OPCML: variants seen among roughly 807,000 people sequenced by gnomAD.
The protein encoded by OPCML is opioid-binding protein/cell adhesion molecule.
Under a neutral mutation model 37.8 loss-of-function variants are expected in OPCML, and 13 were observed. That is an observed-to-expected ratio of 0.34 (90% confidence interval 0.22 to 0.55). The LOEUF (loss-of-function observed/expected upper bound fraction) is 0.55, where lower values mean the gene tolerates loss of function less well. OPCML is among the 20% of genes least tolerant of loss of function. The pLI is 0.91. For missense variants in OPCML, 341 were observed against 435.6 expected, an observed-to-expected ratio of 0.78 and a Z score of 1.93; for synonymous variants, 176 against 168.8, an observed-to-expected ratio of 1.04 and a Z score of -0.33.
chr11:133,139,034 G>C (rs945298931), intron 1 of OPCML, among the ~76,000 whole-genome samples: 1 of 152,192 alleles, frequency 6.6e-6, no homozygotes, highest in African/African-American at 2.4e-5. Flanking sequence ...CAAAGTATTT[G>C]TTGACTATAT....
intron 1 of OPCML, among the ~76,000 whole-genome samples, chr11:133,225,530 A>T (rs1437329976): frequency 6.6e-6 from 1 of 152,210 alleles, no homozygotes; most frequent in Non-Finnish European, 1.5e-5. Context: ...TGCTTGAAAC[A>T]GTGCCTAGCT....
intron 2 of OPCML, among the ~76,000 whole-genome samples, chr11:132,901,104 C>T (rs145113824): frequency 0.017 from 2,533 of 152,096 alleles, 79 homozygotes; most frequent in African/African-American, 0.058. Flanking sequence ...CACTTGAACC[C>T]GGGAGGCGGA....
chr11:132,656,582 G>C (rs1017475620), intron 3 of OPCML, among the ~76,000 whole-genome samples: 1 of 152,170 alleles, frequency 6.6e-6, no homozygotes, highest in East Asian at 1.9e-4. Context: ...CTATGAGAGA[G>C]TGTTTAAAGA....
chr11:132,758,758 T>A (rs1038838383), intron 2 of OPCML, among the ~76,000 whole-genome samples: 1 of 152,238 alleles, frequency 6.6e-6, no homozygotes, highest in African/African-American at 2.4e-5. Flanking sequence ...GGAGACATTT[T>A]GACTTCTTCT....
chr11:133,236,492 G>A (rs1565521750), intron 1 of OPCML, among the ~76,000 whole-genome samples: 1 of 146,040 alleles, frequency 6.8e-6, no homozygotes, highest in Non-Finnish European at 1.6e-5. Context: ...AAAAAGTAAA[G>A]TAGAGGTTCC....
At chr11:133,532,016 T>A (rs190515851) in intron 1 of OPCML, 44 of 187,674 alleles carry the variant, frequency 2.3e-4, no homozygotes, top group Non-Finnish European at 2.7e-4. Context: ...ATGGTGCAGA[T>A]CTCGAACCCA....
chr11:132,909,807 T>C (rs1291168382), intron 2 of OPCML, among the ~76,000 whole-genome samples: 1 of 152,196 alleles, frequency 6.6e-6, no homozygotes, highest in Admixed American at 6.5e-5. Flanking sequence ...TCTGACAATA[T>C]TGCTTCTGCC....
intron 3 of OPCML, among the ~76,000 whole-genome samples, chr11:132,532,441 C>T (rs1028598732): frequency 1.3e-5 from 2 of 152,108 alleles, no homozygotes; most frequent in African/African-American, 4.8e-5. Flanking sequence ...TTGTTGTTTT[C>T]AAATTGCTTG....
chr11:132,642,081 T>C (rs1030002491), intron 3 of OPCML, among the ~76,000 whole-genome samples: 3 of 152,204 alleles, frequency 2.0e-5, no homozygotes, highest in Admixed American at 6.5e-5. Context: ...AGAGATTCCA[T>C]TGGGTATGCA....
chr11:133,304,364 G>A (rs1247837014), intron 1 of OPCML, among the ~76,000 whole-genome samples: 2 of 152,310 alleles, frequency 1.3e-5, no homozygotes, highest in South Asian at 4.1e-4. Context: ...AGACCTGACA[G>A]GCCTGGAGGA....
chr11:132,682,527 G>C (rs1242553281), intron 2 of OPCML, among the ~76,000 whole-genome samples: 2 of 152,078 alleles, frequency 1.3e-5, no homozygotes, highest in Non-Finnish European at 2.9e-5. Context: ...ATCATCTTTG[G>C]GACATTAATT....
At chr11:133,362,360 C>A (rs957166368) in intron 1 of OPCML, among the ~76,000 whole-genome samples, 3 of 152,224 alleles carry the variant, frequency 2.0e-5, no homozygotes, top group African/African-American at 7.2e-5. Context: ...AAAGGCCCTG[C>A]TCCTCCTGGA....
intron 1 of OPCML, among the ~76,000 whole-genome samples, chr11:133,449,329 G>A (rs1946532806): frequency 2.0e-5 from 3 of 152,210 alleles, no homozygotes; most frequent in Non-Finnish European, 4.4e-5. Context: ...CATTGTCTTG[G>A]AAAGCAGCTA....
intron 1 of OPCML, among the ~76,000 whole-genome samples, chr11:133,358,184 A>G (rs563591048): frequency 6.6e-6 from 1 of 152,354 alleles, no homozygotes; most frequent in South Asian, 2.1e-4. Flanking sequence ...TTTATCATTT[A>G]ATCTATCTCT....
chr11:133,338,837 T>C (rs1205304254), intron 1 of OPCML, among the ~76,000 whole-genome samples: 6 of 152,220 alleles, frequency 3.9e-5, no homozygotes, highest in Admixed American at 3.9e-4. Flanking sequence ...GAATCCTGTG[T>C]ATCCTCCACA....
At chr11:132,784,284 T>C (rs889171854) in intron 2 of OPCML, among the ~76,000 whole-genome samples, 1 of 152,116 alleles carries the variant, frequency 6.6e-6, no homozygotes, top group African/African-American at 2.4e-5. Context: ...TCCCTAAATT[T>C]TGGACCCACT....
intron 1 of OPCML, among the ~76,000 whole-genome samples, chr11:133,109,308 A>C (rs549036029): frequency 2.8e-4 from 43 of 151,968 alleles, no homozygotes; most frequent in Admixed American, 2.6e-4. Flanking sequence ...AAGAACAAGG[A>C]CTCCACAGCA....
chr11:133,204,007 G>A (rs904107543), intron 1 of OPCML, among the ~76,000 whole-genome samples: 6 of 130,208 alleles, frequency 4.6e-5, no homozygotes, highest in Non-Finnish European at 4.7e-5. Flanking sequence ...GCATTGAGCC[G>A]AGATCCCGCC....
chr11:133,258,789 A>T (rs1347620070), intron 1 of OPCML, among the ~76,000 whole-genome samples: 1 of 152,016 alleles, frequency 6.6e-6, no homozygotes, highest in African/African-American at 2.4e-5. Context: ...CACTGCCAGG[A>T]GCCCTCACAG....
Sources: gnomAD v4.1 joint callset for allele counts (sites outside exome capture counted in the v4.1 genomes callset) on GRCh38, gnomAD v4.1.1 for gene constraint, MANE v1.5 for transcripts, NCBI Gene and HGNC (gene_info 2026-07-23, HGNC 2026-07-21) for gene names.